The following FAM81A variants were observed in gnomAD, a reference collection of about 807,000 sequenced individuals.
The protein encoded by FAM81A is protein FAM81A.
FAM81A carries 19 observed loss-of-function variants against 46.7 expected under a neutral mutation model. The observed-to-expected ratio is 0.41, with a 90% CI of 0.28 to 0.60. The LOEUF (loss-of-function observed/expected upper bound fraction) is 0.60, where lower values mean the gene tolerates loss of function less well. Among genes scored for constraint, FAM81A ranks in the 20% least tolerant of loss-of-function variants. The pLI is 0.34. For missense variants in FAM81A, 377 were observed against 453.5 expected, an observed-to-expected ratio of 0.83 and a Z score of 1.53; for synonymous variants, 183 against 152.9, an observed-to-expected ratio of 1.20 and a Z score of -1.45.
intron 1 of FAM81A, among the ~76,000 whole-genome samples, chr15:59,400,275 T>C (rs1391337208): frequency 6.6e-6 from 1 of 152,092 alleles, no homozygotes. Context: ...AGCCCAAGCA[T>C]GGACTCTCCC....
chr15:59,516,332 G>C (rs766361298), intron 7 of FAM81A, among the ~76,000 whole-genome samples: 1 of 152,062 alleles, frequency 6.6e-6, no homozygotes, highest in Non-Finnish European at 1.5e-5. Context: ...GTTTCACCAT[G>C]TTGGCCAGGC....
intron 2 of FAM81A, among the ~76,000 whole-genome samples, chr15:59,415,804 T>G (rs1320895026): frequency 6.6e-6 from 1 of 152,142 alleles, no homozygotes; most frequent in Admixed American, 6.5e-5. Context: ...TGCTCTTGAG[T>G]GATGGAAGGA....
intron 1 of FAM81A, among the ~76,000 whole-genome samples, chr15:59,455,071 T>C (rs1347859087): frequency 1.3e-5 from 2 of 151,512 alleles, no homozygotes; most frequent in African/African-American, 4.8e-5. Flanking sequence ...CTAACTTTTT[T>C]TTTTTTTTTT....
intron 6 of FAM81A, among the ~76,000 whole-genome samples, chr15:59,513,436 C>T (rs1357629318): frequency 1.3e-5 from 2 of 152,190 alleles, no homozygotes; most frequent in Non-Finnish European, 2.9e-5. Context: ...GGGTCTGTGG[C>T]TGGCCCAGCT....
intron 2 of FAM81A, among the ~76,000 whole-genome samples, chr15:59,411,870 C>T (rs2081122049): frequency 6.6e-6 from 1 of 151,384 alleles, no homozygotes; most frequent in Admixed American, 6.6e-5. Flanking sequence ...GCCGAGACTG[C>T]ACCACTGCAA....
intron 3 of FAM81A, among the ~76,000 whole-genome samples, chr15:59,486,055 T>C (rs1349596307): frequency 6.6e-6 from 1 of 152,080 alleles, no homozygotes; most frequent in Non-Finnish European, 1.5e-5. Flanking sequence ...GGTGGGTGCC[T>C]GTAATCCCAG....
chr15:59,463,871 T>G (rs1197030763), intron 3 of FAM81A, among the ~76,000 whole-genome samples: 6 of 152,136 alleles, frequency 3.9e-5, no homozygotes, highest in African/African-American at 1.4e-4. Context: ...ATTATACATA[T>G]TCTTGGGGTA....
chr15:59,476,225 AT>A (rs778127240), intron 3 of FAM81A, among the ~76,000 whole-genome samples: 523 of 140,858 alleles, frequency 3.7e-3, no homozygotes, highest in East Asian at 7.6e-3. Context: ...TTAACCTACA[AT>A]TTTTTTTTTT....
chr15:59,398,843 T>G (rs2081058375), intron 1 of FAM81A, among the ~76,000 whole-genome samples: 1 of 144,696 alleles, frequency 6.9e-6, no homozygotes, highest in African/African-American at 2.6e-5. Context: ...TAGGGTGTGG[T>G]CTATGTCTTC....
At chr15:59,496,963 C>G (rs1289723609) in intron 4 of FAM81A, among the ~76,000 whole-genome samples, 1 of 144,608 alleles carries the variant, frequency 6.9e-6, no homozygotes, top group African/African-American at 2.6e-5. Flanking sequence ...CCATCTCTAC[C>G]AAAAAGACAA....
chr15:59,501,114 CT>C (rs1217131673), intron 4 of FAM81A, among the ~76,000 whole-genome samples: 1 of 152,040 alleles, frequency 6.6e-6, no homozygotes, highest in Non-Finnish European at 1.5e-5. Flanking sequence ...GCCCTCTAAG[CT>C]TGTTTTTGAG....
intron 3 of FAM81A, among the ~76,000 whole-genome samples, chr15:59,480,639 C>A (rs1202705655): frequency 6.6e-6 from 1 of 152,054 alleles, no homozygotes; most frequent in Non-Finnish European, 1.5e-5. Context: ...TTTCTTGCTG[C>A]AAGAAAAGCA....
intron 3 of FAM81A, among the ~76,000 whole-genome samples, chr15:59,466,681 C>G (rs1342501398): frequency 6.6e-6 from 1 of 152,180 alleles, no homozygotes; most frequent in Non-Finnish European, 1.5e-5. Flanking sequence ...ATGGTAGTTT[C>G]TTTTGCTGTG....
intron 2 of FAM81A, among the ~76,000 whole-genome samples, chr15:59,420,501 A>C (rs1201346206): frequency 6.6e-6 from 1 of 152,230 alleles, no homozygotes; most frequent in African/African-American, 2.4e-5. Context: ...AAAAACAAAC[A>C]CATTTTATAC....
At position 59,450,121 on chromosome 15, in the gene FAM81A, A is replaced by G. The variant is rs554153761; in HGVS notation, c.-77-8429A>G. Among the ~76,000 whole-genome samples, 105 of 43,220 alleles carry G rather than the reference A, an allele frequency of 2.4e-3. 1 individual carries two copies. Among genetic ancestry groups the G allele is most frequent in the Non-Finnish European group, 3.9e-3 (84 of 21,746 alleles). 28.4% of individuals were successfully genotyped at this position (43,220 alleles called of 152,430 possible). On this transcript the variant is annotated intron_variant, in intron 1 of 8. Coordinates refer to ENST00000288228, the MANE Select transcript of FAM81A (RefSeq NM_152450.3). The stretch of plus-strand genomic sequence containing the variant: ...TTTCTTTCTTTTTTTTTTTTTTTTA[A>G]TGTAAATGGGGTTGCCATGTTGCCC...
At chr15:59,494,101 G>A (rs2141764415) in intron 4 of FAM81A, among the ~76,000 whole-genome samples, 1 of 152,292 alleles carries the variant, frequency 6.6e-6, no homozygotes, top group Non-Finnish European at 1.5e-5. Context: ...GCCTGGAACG[G>A]TCTCTGGAAA....
intron 1 of FAM81A, among the ~76,000 whole-genome samples, chr15:59,447,659 C>T (rs767520362): frequency 1.3e-5 from 2 of 152,190 alleles, no homozygotes; most frequent in Non-Finnish European, 2.9e-5. Context: ...ATTAGGCATG[C>T]TGACCTCAGT....
intron 6 of FAM81A, among the ~76,000 whole-genome samples, chr15:59,511,441 A>G (rs1212435481): frequency 1.3e-5 from 2 of 152,202 alleles, no homozygotes; most frequent in Non-Finnish European, 2.9e-5. Flanking sequence ...TCCAAAGGAC[A>G]CGGGTTCACA....
chr15:59,516,418 C>T (rs962987046), intron 7 of FAM81A, among the ~76,000 whole-genome samples: 9 of 152,298 alleles, frequency 5.9e-5, no homozygotes, highest in Admixed American at 1.3e-4. Flanking sequence ...GCGTGAGCCA[C>T]CGCACCCAGC....
Sources: gnomAD v4.1 joint callset for allele counts (sites outside exome capture counted in the v4.1 genomes callset) on GRCh38, gnomAD v4.1.1 for gene constraint, MANE v1.5 for transcripts, NCBI Gene and HGNC (gene_info 2026-07-23, HGNC 2026-07-21) for gene names.